CDH18: variants seen among roughly 807,000 people sequenced by gnomAD.
CDH18 encodes the protein cadherin 18, also known as cadherin-18.
A neutral mutation model predicts 67.9 loss-of-function variants in CDH18; 31 were observed. The observed-to-expected ratio is 0.46, with a 90% CI of 0.34 to 0.62. The LOEUF (loss-of-function observed/expected upper bound fraction) is 0.62, where lower values mean the gene tolerates loss of function less well. Among genes scored for constraint, CDH18 ranks in the 20% least tolerant of loss-of-function variants. CDH18 has a pLI of 0.01. For missense variants in CDH18, 890 were observed against 975.5 expected, an observed-to-expected ratio of 0.91 and a Z score of 1.17; for synonymous variants, 362 against 347.2, an observed-to-expected ratio of 1.04 and a Z score of -0.48.
At chr5:20,182,782 G>A (rs541607975) in intron 2 of CDH18, among the ~76,000 whole-genome samples, 1 of 151,728 alleles carries the variant, frequency 6.6e-6, no homozygotes, top group African/African-American at 2.4e-5. Flanking sequence ...AATCCTAGTG[G>A]CTTGACCTTG....
chr5:19,750,300 A>G (rs1228336157), intron 3 of CDH18, among the ~76,000 whole-genome samples: 1 of 152,148 alleles, frequency 6.6e-6, no homozygotes, highest in African/African-American at 2.4e-5. Context: ...ACTTTGCAAC[A>G]GGAATGGGGC....
At chr5:20,224,129 T>C (rs1741430412) in intron 2 of CDH18, among the ~76,000 whole-genome samples, 1 of 152,192 alleles carries the variant, frequency 6.6e-6, no homozygotes, top group South Asian at 2.1e-4. Context: ...TCTTTTAACT[T>C]GGCCCTTATG....
chr5:20,120,053 A>G (rs969488522), intron 2 of CDH18, among the ~76,000 whole-genome samples: 1 of 152,124 alleles, frequency 6.6e-6, no homozygotes, highest in Admixed American at 6.6e-5. Context: ...GAGGTCATTC[A>G]GTTCACTGTT....
At chr5:20,342,308 G>T (rs1030403585) in intron 1 of CDH18, among the ~76,000 whole-genome samples, 1 of 152,068 alleles carries the variant, frequency 6.6e-6, no homozygotes, top group African/African-American at 2.4e-5. Flanking sequence ...AGAAGGAACA[G>T]CTTCCCCATC....
chr5:20,449,878 T>A (rs958001480), intron 1 of CDH18, among the ~76,000 whole-genome samples: 2 of 152,110 alleles, frequency 1.3e-5, no homozygotes, highest in African/African-American at 4.8e-5. Flanking sequence ...GTTGATAATT[T>A]ATAACAATAT....
At chr5:20,405,099 A>G (rs999635450) in intron 1 of CDH18, among the ~76,000 whole-genome samples, 1 of 152,164 alleles carries the variant, frequency 6.6e-6, no homozygotes, top group Non-Finnish European at 1.5e-5. Context: ...TAAAGTTCAT[A>G]TGGAACCAAA....
At chr5:19,757,601 C>T (rs1412509391) in intron 3 of CDH18, among the ~76,000 whole-genome samples, 2 of 152,152 alleles carry the variant, frequency 1.3e-5, no homozygotes, top group Non-Finnish European at 2.9e-5. Context: ...TTATTAAAAT[C>T]CTCCTCAGTT....
Position 20,183,156 on chromosome 5 carries a change from AG to A in CDH18, c.-518+72287del, listed in dbSNP as rs1164876127. On this transcript the variant is annotated intron_variant, in intron 2 of 14. Coordinates refer to the CDH18 transcript ENST00000507958. ...AACAGTTGCTATATGTAAAGGGCTC[AG>A]AATAGTGTCTAGCATAGAGCTAATT... Among the ~76,000 whole-genome samples, 110 of 18,440 alleles carry A rather than the reference AG, an allele frequency of 6.0e-3. 2 individuals carry two copies. The highest frequency in any genetic ancestry group is 2.5e-3 in the Non-Finnish European group (23 of 9,342). The allele number at this position is 18,440 out of a possible 152,430, so 12.1% of individuals were successfully genotyped here.
At chr5:20,236,467 G>GA (rs1194407532) in intron 2 of CDH18, among the ~76,000 whole-genome samples, 2 of 151,600 alleles carry the variant, frequency 1.3e-5, no homozygotes, top group African/African-American at 4.8e-5. Flanking sequence ...TTGATATGGG[G>GA]AAAAAAGACA....
At chr5:20,291,788 G>C (rs1400617235) in intron 1 of CDH18, among the ~76,000 whole-genome samples, 3 of 152,174 alleles carry the variant, frequency 2.0e-5, no homozygotes, top group African/African-American at 7.2e-5. Flanking sequence ...AATGTTACAA[G>C]AGTAGGTCCA....
chr5:19,996,342 C>T (rs1736018570), intron 2 of CDH18, among the ~76,000 whole-genome samples: 1 of 151,964 alleles, frequency 6.6e-6, no homozygotes, highest in Admixed American at 6.6e-5. Context: ...CTACAGTGTA[C>T]ATGTTTTGGA....
At chr5:20,396,327 G>A (rs978834011) in intron 1 of CDH18, among the ~76,000 whole-genome samples, 1 of 151,692 alleles carries the variant, frequency 6.6e-6, no homozygotes, top group African/African-American at 2.4e-5. Flanking sequence ...CACATCTAGT[G>A]TCAGAAGTGT....
intron 9 of CDH18, among the ~76,000 whole-genome samples, chr5:19,527,061 G>C (rs1747854251): frequency 6.6e-6 from 1 of 151,848 alleles, no homozygotes; most frequent in Non-Finnish European, 1.5e-5. Context: ...TCATTCTTTT[G>C]AATACTTACT....
intron 2 of CDH18, among the ~76,000 whole-genome samples, chr5:19,944,791 C>T (rs550915085): frequency 6.6e-6 from 1 of 152,062 alleles, no homozygotes; most frequent in South Asian, 2.1e-4. Context: ...AGAAATGACA[C>T]AATAGACAGC....
chr5:20,056,680 C>CTTTTTTTTTTTTTTTT (rs397758122), intron 2 of CDH18, among the ~76,000 whole-genome samples: 2 of 70,024 alleles, frequency 2.9e-5, no homozygotes, highest in Non-Finnish European at 5.3e-5. Context: ...TCTATATTCT[C>CTTTTTTTTTTTTTTTT]TTTTTTTTTT....
At chr5:19,747,355 C>A in intron 3 of CDH18, 119 bp from the exon 4 acceptor site, 1 of 763,460 alleles carries the variant, frequency 1.3e-6, no homozygotes, top group Non-Finnish European at 2.1e-6. Flanking sequence ...TTTACAGTGC[C>A]CTGTGTGTTA....
chr5:19,605,080 C>A (rs1023342284), intron 6 of CDH18, among the ~76,000 whole-genome samples: 1 of 151,748 alleles, frequency 6.6e-6, no homozygotes, highest in Non-Finnish European at 1.5e-5. Flanking sequence ...CCTACCTAAA[C>A]AAAATATTAT....
intron 2 of CDH18, among the ~76,000 whole-genome samples, chr5:19,863,612 A>T (rs1255580331): frequency 6.6e-6 from 1 of 152,166 alleles, no homozygotes; most frequent in Non-Finnish European, 1.5e-5. Flanking sequence ...CTCAGCCCCC[A>T]CTAAGAGAAA....
chr5:20,275,563 A>AT (rs1290073293), intron 1 of CDH18, among the ~76,000 whole-genome samples: 1 of 152,186 alleles, frequency 6.6e-6, no homozygotes, highest in East Asian at 1.9e-4. Context: ...GCTTTATGGC[A>AT]TTTTCCATGA....
Sources: gnomAD v4.1 joint callset for allele counts (sites outside exome capture counted in the v4.1 genomes callset) on GRCh38, gnomAD v4.1.1 for gene constraint, MANE v1.5 for transcripts, NCBI Gene and HGNC (gene_info 2026-07-23, HGNC 2026-07-21) for gene names.